The following CATSPERT variants were observed in gnomAD, a reference collection of about 807,000 sequenced individuals.
CATSPERT encodes cation channel sperm-associated targeting subunit tau.
chr2:201,540,313 C>T, the CATSPERT span, among the ~76,000 whole-genome samples: 6 of 152,290 alleles, frequency 3.9e-5, no homozygotes, highest in Non-Finnish European at 5.9e-5. Context: ...AGGTTTTTAT[C>T]GTAGATGAAA....
chr2:201,532,724 A>T, the CATSPERT span, among the ~76,000 whole-genome samples: 17 of 152,228 alleles, frequency 1.1e-4, no homozygotes, highest in Admixed American at 1.1e-3. Flanking sequence ...ATGTAATATT[A>T]CAAAAGGCCA....
At chr2:201,614,634 G>C in the CATSPERT span, among the ~76,000 whole-genome samples, 2 of 152,114 alleles carry the variant, frequency 1.3e-5, no homozygotes, top group Non-Finnish European at 2.9e-5. Flanking sequence ...ATTGATGCTA[G>C]GAAGAAACTA....
chr2:201,611,689 TCAA>T, the CATSPERT span, among the ~76,000 whole-genome samples: 1 of 61,898 alleles, frequency 1.6e-5, no homozygotes, highest in Admixed American at 2.4e-4. Flanking sequence ...AAAAGCACTA[TCAA>T]CAGTCAAAAA....
chr2:201,580,868 C>T, the CATSPERT span, among the ~76,000 whole-genome samples: 43 of 152,226 alleles, frequency 2.8e-4, no homozygotes, highest in African/African-American at 9.6e-4. Context: ...AAACTCTGCC[C>T]AAATCTTTGG....
the CATSPERT span, among the ~76,000 whole-genome samples, chr2:201,510,820 T>C: frequency 2.6e-5 from 4 of 152,284 alleles, no homozygotes; most frequent in South Asian, 2.1e-4. Context: ...CTAAACAAGA[T>C]ATAAACCAAC....
the CATSPERT span, among the ~76,000 whole-genome samples, chr2:201,531,320 T>C: frequency 6.6e-6 from 1 of 152,116 alleles, no homozygotes; most frequent in Non-Finnish European, 1.5e-5. Flanking sequence ...TACCGTGGAC[T>C]CATCACTATT....
chr2:201,565,747 T>C, the CATSPERT span: 1 of 1,589,058 alleles, frequency 6.3e-7, no homozygotes, highest in Non-Finnish European at 8.5e-7. Flanking sequence ...GGGTTGTTGC[T>C]GAAGTTTTTC....
chr2:201,500,351 A>G, the CATSPERT span, among the ~76,000 whole-genome samples: 1 of 151,984 alleles, frequency 6.6e-6, no homozygotes, highest in Non-Finnish European at 1.5e-5. Context: ...TGTCTCTACT[A>G]AAAATACAAA....
At chr2:201,605,299 A>T in the CATSPERT span, among the ~76,000 whole-genome samples, 1 of 152,158 alleles carries the variant, frequency 6.6e-6, no homozygotes, top group African/African-American at 2.4e-5. Flanking sequence ...CAGGTCTAGG[A>T]GTTGGTAGTT....
chr2:201,496,828 G>T, the CATSPERT span, among the ~76,000 whole-genome samples: 3 of 152,192 alleles, frequency 2.0e-5, no homozygotes, highest in Admixed American at 1.3e-4. Flanking sequence ...ATCTGAAGCT[G>T]AAGTTTCTTG....
the CATSPERT span, among the ~76,000 whole-genome samples, chr2:201,502,982 C>G: frequency 2.6e-5 from 4 of 151,582 alleles, no homozygotes; most frequent in Admixed American, 6.6e-5. Context: ...TCTGCAGCAT[C>G]TAATATGTTG....
the CATSPERT span, among the ~76,000 whole-genome samples, chr2:201,489,127 T>A: frequency 1.3e-5 from 2 of 152,222 alleles, no homozygotes; most frequent in African/African-American, 2.4e-5. Flanking sequence ...GTTGTTATCA[T>A]CTGAAAAATG....
chr2:201,541,292 T>C, the CATSPERT span, among the ~76,000 whole-genome samples: 232 of 152,098 alleles, frequency 1.5e-3, no homozygotes, highest in South Asian at 5.4e-3. Flanking sequence ...GACTCCAATT[T>C]TGAAAGAAGT....
the CATSPERT span, among the ~76,000 whole-genome samples, chr2:201,540,405 G>A: frequency 6.6e-6 from 1 of 152,216 alleles, no homozygotes; most frequent in African/African-American, 2.4e-5. Context: ...ACGCTTCAAA[G>A]GACAGGCCAA....
At chr2:201,582,226 C>T in the CATSPERT span, 1 of 1,579,302 alleles carries the variant, frequency 6.3e-7, no homozygotes. Flanking sequence ...ACCTCAATAT[C>T]AAAATATATA....
At chr2:201,494,406 C>A in the CATSPERT span, 1 of 1,537,346 alleles carries the variant, frequency 6.5e-7, no homozygotes, top group Non-Finnish European at 8.7e-7. Context: ...CATTTCCAGC[C>A]CTTGATGATT....
At chr2:201,603,285 T>C in the CATSPERT span, 1 of 1,608,476 alleles carries the variant, frequency 6.2e-7, no homozygotes, top group Non-Finnish European at 8.5e-7. Flanking sequence ...CCTACAACAA[T>C]CAAAACAAAA....
the CATSPERT span, among the ~76,000 whole-genome samples, chr2:201,499,468 G>A: frequency 3.3e-5 from 5 of 152,086 alleles, no homozygotes; most frequent in Non-Finnish European, 7.3e-5. Flanking sequence ...AGAAACCTAA[G>A]GGTTTTTATT....
At chr2:201,619,010 T>A in the CATSPERT span, 2 of 1,614,100 alleles carry the variant, frequency 1.2e-6, no homozygotes, top group South Asian at 2.2e-5. Context: ...TTAATGTGCA[T>A]GATATCCGGG....
Sources: allele counts gnomAD v4.1 joint callset (sites outside exome capture counted in the v4.1 genomes callset), GRCh38; gene constraint gnomAD v4.1.1; transcripts MANE v1.5; gene names NCBI Gene and HGNC (gene_info 2026-07-23, HGNC 2026-07-21).